PTGR1: variants seen among roughly 807,000 people sequenced by gnomAD.
PTGR1 encodes prostaglandin reductase 1.
A neutral mutation model predicts 37.7 loss-of-function variants in PTGR1; 23 were observed. The ratio of observed to expected loss-of-function variants is 0.61; its 90% CI spans 0.44 to 0.86. The LOEUF (loss-of-function observed/expected upper bound fraction) is 0.86, where lower values mean the gene tolerates loss of function less well. PTGR1 is among the 40% of genes least tolerant of loss of function. PTGR1 has a pLI of 0.00. For missense variants in PTGR1, 351 were observed against 394.3 expected (o/e 0.89, Z 0.93); for synonymous variants, 134 against 140.0 (o/e 0.96, Z 0.30).
intron 9 of PTGR1, among the ~76,000 whole-genome samples, chr9:111,568,960 G>T (rs1828693460): frequency 6.6e-6 from 1 of 152,096 alleles, no homozygotes; most frequent in Non-Finnish European, 1.5e-5. Context: ...ATTAGACATG[G>T]GTACGACAGA....
Position 111,554,511 on chromosome 9 carries a change from G to C in PTGR1, c.880-4712C>G, listed in dbSNP as rs141751526. ...CTTATCCATGGGGGATATGCTCCAAGACCTCGAGTGGATGCCTGCAACCTC... is the reference window on the plus strand; with the variant it reads ...CTTATCCATGGGGGATATGCTCCAACACCTCGAGTGGATGCCTGCAACCTC... On this transcript the variant is annotated intron_variant, in intron 9 of 9. Transcript: ENST00000538962. Among the ~76,000 whole-genome samples, 352 of 152,278 alleles carry C rather than the reference G, an allele frequency of 2.3e-3. 1 individual carries two copies. Among genetic ancestry groups the C allele is most frequent in the African/African-American group, 8.0e-3 (332 of 41,562 alleles).
At chr9:111,597,229 G>T in intron 2 of PTGR1, 88 bp downstream of exon 2, 1 of 1,007,994 alleles carries the variant, frequency 9.9e-7, no homozygotes, top group Non-Finnish European at 1.5e-6. Flanking sequence ...GTTGCTTAAA[G>T]TCACTAAACT....
intron 9 of PTGR1, among the ~76,000 whole-genome samples, chr9:111,569,640 C>T (rs1313645083): frequency 6.6e-6 from 1 of 152,158 alleles, no homozygotes; most frequent in African/African-American, 2.4e-5. Flanking sequence ...TGGTACACAC[C>T]TGTAGTCCTA....
intron 9 of PTGR1, among the ~76,000 whole-genome samples, chr9:111,567,351 C>T (rs898886937): frequency 6.6e-6 from 1 of 152,126 alleles, no homozygotes; most frequent in Non-Finnish European, 1.5e-5. Context: ...CCATGCCCAG[C>T]TAATTTTTGT....
At chr9:111,592,799 C>T in intron 4 of PTGR1, 127 bp downstream of exon 4, 2 of 1,270,644 alleles carry the variant, frequency 1.6e-6, no homozygotes, top group Non-Finnish European at 2.1e-6. Context: ...AAGTTGATTC[C>T]AAGATCACAC....
At position 111,570,187 on chromosome 9, in the gene PTGR1, G is replaced by C; in HGVS notation, c.783C>G (p.Ile261Met). The C allele has an allele frequency of 6.2e-7, 1 of 1,614,028 alleles. No individual in the cohort carries two copies. The highest frequency in any genetic ancestry group is 1.1e-5 in the South Asian group (1 of 91,070). The part of the protein sequence containing the change: ...LPPGPPPEIV[I>M]YQELRMEAFV... The stretch of plus-strand genomic sequence containing the variant: ...AAGCTTCCATGCGAAGCTCCTGATA[G>C]ATAACAATCTCTGGGGGTGGGCCTG... The change falls in exon 9 of 10, where the codon ATC becomes ATG. Residue 261 changes from isoleucine (I) to methionine (M), a missense_variant. Transcript: ENST00000407693.
At chr9:111,559,670 C>A (rs1358996718), downstream of PTGR1, among the ~76,000 whole-genome samples, 1 of 151,932 alleles carries the variant, frequency 6.6e-6, no homozygotes, top group Non-Finnish European at 1.5e-5. Flanking sequence ...CAGCTCTGGG[C>A]TTTGACTCCC....
chr9:111,549,729 A>G, exon 10 of PTGR1: 2 of 1,549,226 alleles, frequency 1.3e-6, no homozygotes, highest in Non-Finnish European at 8.7e-7. Context: ...TTCTAAGGTA[A>G]TGGTGAATGA....
At position 111,597,405 on chromosome 9, in the gene PTGR1, T is replaced by C. The variant is rs1289683600; in HGVS notation, c.18A>G (p.Thr6=). The C allele has an allele frequency of 1.2e-6, 2 of 1,612,518 alleles. No individual in the cohort carries two copies. Among genetic ancestry groups the C allele is most frequent in the Middle Eastern group, 1.6e-4 (1 of 6,078 alleles). MVRTK[T]WTLKKHFVGY... is the part of the protein sequence containing the mutation. ...CAACAAAGTGCTTCTTCAGGGTCCATGTCTTAGTACGAACCATCCTGAAGC... is the reference window on the plus strand; with the variant it reads ...CAACAAAGTGCTTCTTCAGGGTCCACGTCTTAGTACGAACCATCCTGAAGC... The change falls in exon 2 of 10, where the codon ACA becomes ACG. Residue 6 remains threonine (T), a synonymous_variant. Coordinates refer to ENST00000407693, the MANE Select transcript of PTGR1 (RefSeq NM_001146108.2).
intron 9 of PTGR1, chr9:111,549,822 T>A (rs1363765060): frequency 6.9e-7 from 1 of 1,444,820 alleles, no homozygotes; most frequent in Non-Finnish European, 9.5e-7. Context: ...TCAGAACATT[T>A]AGCTCTTTGA....
chr9:111,580,426 T>C (rs1427980981), intron 6 of PTGR1, among the ~76,000 whole-genome samples: 2 of 152,330 alleles, frequency 1.3e-5, no homozygotes, highest in East Asian at 3.9e-4. Context: ...TCCAATCATC[T>C]GGTTTTCTTC....
chr9:111,571,625 A>G (rs1828825188), intron 8 of PTGR1, among the ~76,000 whole-genome samples: 1 of 151,776 alleles, frequency 6.6e-6, no homozygotes, highest in Non-Finnish European at 1.5e-5. Context: ...CTATAGGTGC[A>G]TGCCACCACA....
At chr9:111,575,018 C>T (rs16916178) in intron 7 of PTGR1, among the ~76,000 whole-genome samples, 176 bp from the exon 8 acceptor site, 6,251 of 152,238 alleles carry the variant, frequency 0.041, 419 homozygotes, top group African/African-American at 0.14. Context: ...CAGGCATTTT[C>T]GGCCGGGCAC....
chr9:111,594,128 A>G (rs1829705410), intron 3 of PTGR1, 94 bp downstream of exon 3: 1 of 1,259,026 alleles, frequency 7.9e-7, no homozygotes, highest in Non-Finnish European at 1.2e-6. Flanking sequence ...GAAAGTGACA[A>G]TGTTTTAAGT....
chr9:111,592,820 C>G (rs1829657942), intron 4 of PTGR1, 106 bp downstream of exon 4: 1 of 1,456,958 alleles, frequency 6.9e-7, no homozygotes, highest in African/African-American at 1.4e-5. Context: ...AGTGAGTCAA[C>G]AACATAGGCT....
chr9:111,555,153 A>G (rs567043675), intron 9 of PTGR1, among the ~76,000 whole-genome samples: 3 of 152,096 alleles, frequency 2.0e-5, no homozygotes, highest in Non-Finnish European at 4.4e-5. Context: ...TTAGTCTTCT[A>G]TCTTATTTCC....
rs747173707 is a variant in PTGR1, at chr9:111,586,152, T to C, written c.223A>G (p.Lys75Glu). The stretch of plus-strand genomic sequence containing the variant: ...GTTCCTTTTGGTAGGGCTACATTTT[T>C]ACTTTCCACAACTCTGAAAGATAAA... Reference protein sequence around the residue: ...GQQVAKVVESKNVALPKGTIV... With the variant: ...GQQVAKVVESENVALPKGTIV... The change falls in exon 5 of 10, where the codon AAA becomes GAA. Residue 75 changes from lysine (K) to glutamate (E), a missense_variant. By Grantham distance (56) the Lys-to-Glu change is moderately conservative. Transcript: ENST00000407693. 1.2e-6 allele frequency: 2 copies of C among 1,614,094 alleles called. No individual in the cohort carries two copies. Among genetic ancestry groups the C allele is most frequent in the Non-Finnish European group, 1.7e-6 (2 of 1,179,944 alleles).
intron 4 of PTGR1, among the ~76,000 whole-genome samples, chr9:111,587,605 C>T (rs1042052396): frequency 4.6e-5 from 7 of 152,164 alleles, no homozygotes. Flanking sequence ...GCGCGTGCCA[C>T]TACGCCCAGC....
At chr9:111,562,230 C>A (rs1828347783), downstream of PTGR1, among the ~76,000 whole-genome samples, 1 of 150,612 alleles carries the variant, frequency 6.6e-6, no homozygotes, top group South Asian at 2.1e-4. Flanking sequence ...ATTATCCTCA[C>A]TTTAAAGATG....
Sources: allele counts gnomAD v4.1 joint callset (sites outside exome capture counted in the v4.1 genomes callset), GRCh38; gene constraint gnomAD v4.1.1; transcripts MANE v1.5; gene names NCBI Gene and HGNC (gene_info 2026-07-23, HGNC 2026-07-21).